Variants in KAT14 observed in about 807,000 individuals in gnomAD.
The protein encoded by KAT14 is lysine acetyltransferase 14.
KAT14 carries 66 observed loss-of-function variants against 78.4 expected under a neutral mutation model. The observed-to-expected ratio is 0.84, with a 90% CI of 0.69 to 1.03. The LOEUF is 1.03. Among genes scored for constraint, KAT14 ranks in the 50% least tolerant of loss-of-function variants. The pLI, the probability that KAT14 is intolerant of heterozygous loss-of-function variation, is 0.00. For synonymous variants in KAT14, 344 were observed against 359.4 expected, an observed-to-expected ratio of 0.96 and a Z score of 0.48; for missense variants, 870 against 972.5, an observed-to-expected ratio of 0.89 and a Z score of 1.40.
rs796304935 is a variant in KAT14, at chr20:18,155,345, TG to T, written c.501-3734del. Among the ~76,000 whole-genome samples the T allele has an allele frequency of 8.8e-4, 134 of 152,276 alleles. 1 individual carries two copies. The highest frequency in any genetic ancestry group is 3.0e-3 in the African/African-American group (125 of 41,560). ...TTATTAAAGTTTAAATGTAAAAAGG[TG>T]GGGGTTTTTTTGGTGCTACCCATCC... On this transcript the variant is annotated intron_variant, in intron 4 of 10. Coordinates refer to ENST00000688188, the MANE Select transcript of KAT14 (RefSeq NM_001392073.1).
chr20:18,183,169 A>AT lies in KAT14; in HGVS notation c.1854dup (p.Arg619SerfsTer45). The AT allele has an allele frequency of 1.9e-6, 3 of 1,613,734 alleles. No individual in the cohort carries two copies. The highest frequency in any genetic ancestry group is 2.5e-6 in the Non-Finnish European group (3 of 1,179,870). ...ACCCAAACTGCAGCTCCTGTCACAG[A>AT]TTCGTTCCCACCTGCACAGGAGCGA... On this transcript the variant is annotated frameshift_variant, in exon 9 of 11. Coordinates refer to ENST00000688188, the MANE Select transcript of KAT14 (RefSeq NM_001392073.1). LOFTEE classifies it high-confidence loss of function.
intron 7 of KAT14, among the ~76,000 whole-genome samples, chr20:18,178,553 AAAG>A (rs1244054340): frequency 6.6e-6 from 1 of 152,138 alleles, no homozygotes; most frequent in East Asian, 1.9e-4. Context: ...GAAAAATGAG[AAAG>A]ATGCAAAAGT....
At chr20:18,151,053 G>A in intron 4 of KAT14, 111 bp downstream of exon 4, 1 of 1,407,520 alleles carries the variant, frequency 7.1e-7, no homozygotes, top group Non-Finnish European at 9.6e-7. Flanking sequence ...TAATTTTTTT[G>A]AGATAGAGTC....
chr20:18,159,355 T>C (rs1430663759), intron 5 of KAT14, 90 bp downstream of exon 5: 19 of 1,460,074 alleles, frequency 1.3e-5, no homozygotes, highest in Non-Finnish European at 1.7e-5. Context: ...CCACTGGGCA[T>C]GGCTCGCAGG....
chr20:18,151,864 G>A lies in KAT14; in HGVS notation c.500+922G>A, dbSNP rs566530604. On this transcript the variant is annotated intron_variant, in intron 4 of 10. Coordinates refer to ENST00000688188, the MANE Select transcript of KAT14 (RefSeq NM_001392073.1). ...ACTAAAATACAAAAATTAGCTGGGCGTGGTGGCAGGCAACTATAATCCCAG... is the reference window on the plus strand; with the variant it reads ...ACTAAAATACAAAAATTAGCTGGGCATGGTGGCAGGCAACTATAATCCCAG... Among the ~76,000 whole-genome samples, 6 of 151,508 alleles carry A rather than the reference G, an allele frequency of 4.0e-5. No individual in the cohort carries two copies. The South Asian group carries it at 6.3e-4, about 16-fold the overall frequency.
intron 8 of KAT14, 88 bp downstream of exon 8, chr20:18,181,934 A>G (rs1376903491): frequency 1.3e-6 from 2 of 1,546,538 alleles, no homozygotes; most frequent in Non-Finnish European, 1.7e-6. Context: ...GTTGGAGAGA[A>G]TAAAGATCAC....
upstream of KAT14, among the ~76,000 whole-genome samples, chr20:18,137,556 G>T (rs376907031): frequency 6.6e-6 from 1 of 152,192 alleles, no homozygotes; most frequent in African/African-American, 2.4e-5. Flanking sequence ...CAGAAGGGAC[G>T]TCTGTGGGAG....
intron 7 of KAT14, among the ~76,000 whole-genome samples, chr20:18,166,382 A>T (rs1459321678): frequency 1.3e-5 from 2 of 152,218 alleles, no homozygotes; most frequent in African/African-American, 4.8e-5. Flanking sequence ...GGTTTAAGGA[A>T]GCAATAACAT....
At chr20:18,173,855 T>G in intron 7 of KAT14, among the ~76,000 whole-genome samples, 1 of 152,246 alleles carries the variant, frequency 6.6e-6, no homozygotes, top group East Asian at 1.9e-4. Flanking sequence ...TTCATATACC[T>G]TACAATTCAC....
intron 5 of KAT14, among the ~76,000 whole-genome samples, chr20:18,161,043 G>T (rs566517711): frequency 6.6e-6 from 1 of 152,006 alleles, no homozygotes; most frequent in Admixed American, 6.6e-5. Context: ...GCGTGATGGC[G>T]CATGCCTGTA....
In KAT14 at chr20:18,162,919, G is replaced by A. The variant is rs764958449; in HGVS notation, c.1642G>A (p.Asp548Asn). The A allele has an allele frequency of 5.0e-6, 8 of 1,614,134 alleles. 1 individual carries two copies. The South Asian group carries it at 8.8e-5, about 18-fold the overall frequency. Reference sequence around the variant, plus strand: ...AGCCACGTACAGAACCACCTGTCAGGACTTCAGAATCCTTGACCGATACCA... The same window carrying A: ...AGCCACGTACAGAACCACCTGTCAGAACTTCAGAATCCTTGACCGATACCA... ...GQATYRTTCQ[D>N]FRILDRYQTS... is the part of the protein sequence containing the mutation. Residue 548 changes from aspartate (D) to asparagine (N), a missense_variant, in exon 7 of 11, where the codon GAC (aspartate) becomes AAC (asparagine). Transcript: ENST00000688188.
At chr20:18,181,212 TTG>T (rs892082255) in intron 7 of KAT14, among the ~76,000 whole-genome samples, 1 of 152,176 alleles carries the variant, frequency 6.6e-6, no homozygotes, top group Non-Finnish European at 1.5e-5. Context: ...CTGGGGTTTT[TTG>T]TGTCTAGTTT....
At chr20:18,147,507 A>T (rs2037870540) in intron 3 of KAT14, among the ~76,000 whole-genome samples, 1 of 152,218 alleles carries the variant, frequency 6.6e-6, no homozygotes, top group Non-Finnish European at 1.5e-5. Flanking sequence ...TTTTTAAAAG[A>T]AAAGCTGGCT....
chr20:18,170,373 A>G (rs1371993647), intron 7 of KAT14, among the ~76,000 whole-genome samples: 1 of 152,164 alleles, frequency 6.6e-6, no homozygotes, highest in Non-Finnish European at 1.5e-5. Flanking sequence ...GCCAGTGATC[A>G]TTTACTCTTC....
chr20:18,174,312 A>G (rs2038957096), intron 7 of KAT14, among the ~76,000 whole-genome samples: 1 of 152,088 alleles, frequency 6.6e-6, no homozygotes, highest in African/African-American at 2.4e-5. Context: ...ACACATTTTT[A>G]TTTCTCTGAG....
intron 7 of KAT14, among the ~76,000 whole-genome samples, chr20:18,172,194 T>A (rs2038868710): frequency 6.6e-6 from 1 of 151,040 alleles, no homozygotes; most frequent in Non-Finnish European, 1.5e-5. Context: ...CTCCACCTCC[T>A]GGGTTCAAGC....
Position 18,142,324 on chromosome 20 carries a change from G to C in KAT14, c.-337G>C. ...AGCAACTTGAAGCAGAAAGAGAGAA[G>C]ATGTTATTGGCAAAAGGATCTCAAA... is the stretch of plus-strand genomic sequence containing the variant. On this transcript the variant is annotated 5_prime_UTR_variant, in exon 2 of 11. Coordinates refer to ENST00000688188, the MANE Select transcript of KAT14 (RefSeq NM_001392073.1). The C allele has an allele frequency of 6.5e-7, 1 of 1,536,780 alleles. No homozygotes were observed. Among genetic ancestry groups the C allele is most frequent in the African/African-American group, 1.4e-5 (1 of 73,146 alleles).
intron 4 of KAT14, among the ~76,000 whole-genome samples, chr20:18,156,672 A>T (rs953366214): frequency 1.3e-5 from 2 of 152,128 alleles, no homozygotes; most frequent in Non-Finnish European, 2.9e-5. Context: ...GGGAGAGAGT[A>T]TTTTATGCCT....
Position 18,183,114 on chromosome 20 carries a change from G to A in KAT14, c.1806-9G>A. On this transcript the variant is annotated splice_polypyrimidine_tract_variant and intron_variant, in intron 8 of 10. Coordinates refer to ENST00000688188, the MANE Select transcript of KAT14 (RefSeq NM_001392073.1). ...GACTTGAATTTGTTTATCTTCTGTG[G>A]TACCGGAGGCGTGATTATGAAACAA... is the stretch of plus-strand genomic sequence containing the variant. The A allele has an allele frequency of 6.2e-7, 1 of 1,601,068 alleles. No individual in the cohort carries two copies. The highest frequency in any genetic ancestry group is 8.5e-7 in the Non-Finnish European group (1 of 1,173,286).
Sources: allele counts gnomAD v4.1 joint callset (sites outside exome capture counted in the v4.1 genomes callset), GRCh38; gene constraint gnomAD v4.1.1; transcripts MANE v1.5; gene names NCBI Gene and HGNC (gene_info 2026-07-23, HGNC 2026-07-21).